GPD2: variants seen among roughly 807,000 people sequenced by gnomAD.
GPD2 encodes glycerol-3-phosphate dehydrogenase, mitochondrial.
In GPD2, 54 loss-of-function variants were observed where a neutral mutation model predicts 82.4. The ratio of observed to expected loss-of-function variants is 0.66; its 90% confidence interval spans 0.53 to 0.82. The LOEUF is 0.82. GPD2 is among the 40% of genes least tolerant of loss of function. The pLI is 0.00. For missense variants in GPD2, 748 were observed against 896.2 expected, an observed-to-expected ratio of 0.83 and a Z score of 2.11; for synonymous variants, 288 against 306.1, an observed-to-expected ratio of 0.94 and a Z score of 0.62.
intron 3 of GPD2, among the ~76,000 whole-genome samples, chr2:156,509,821 TG>T (rs1481726291): frequency 7.4e-6 from 1 of 135,748 alleles, no homozygotes; most frequent in Non-Finnish European, 1.5e-5. Flanking sequence ...TCACCCAGGC[TG>T]GAGTGCAGTG....
intron 6 of GPD2, among the ~76,000 whole-genome samples, chr2:156,549,387 T>C (rs1024752993): frequency 3.3e-5 from 5 of 152,222 alleles, no homozygotes; most frequent in African/African-American, 1.2e-4. Context: ...ATATTTTCAC[T>C]ATTTTTATGG....
At chr2:156,413,286 T>A in the GPD2 span, among the ~76,000 whole-genome samples, 3,242 of 152,062 alleles carry the variant, frequency 0.021, 115 homozygotes, top group African/African-American at 0.074. Context: ...GGGGTGATAC[T>A]GAAAGTAATA....
chr2:156,543,858 T>C (rs1686423110), intron 6 of GPD2, among the ~76,000 whole-genome samples: 1 of 152,214 alleles, frequency 6.6e-6, no homozygotes, highest in African/African-American at 2.4e-5. Flanking sequence ...CCCTATGCAC[T>C]AAGTAGCTCC....
intron 6 of GPD2, among the ~76,000 whole-genome samples, chr2:156,548,909 C>A (rs1432575): frequency 0.71 from 108,386 of 151,928 alleles, 38,757 homozygotes; most frequent in Middle Eastern, 0.82. Context: ...TTTTAAAGTG[C>A]TTAATCATCT....
intron 1 of GPD2, chr2:156,473,777 C>G (rs1370688650): frequency 6.6e-6 from 1 of 152,174 alleles, no homozygotes; most frequent in Non-Finnish European, 1.5e-5. Flanking sequence ...ATGTTTACAA[C>G]AGTACATTGA....
chr2:156,561,208 C>A (rs545998827), intron 9 of GPD2, among the ~76,000 whole-genome samples: 3 of 151,644 alleles, frequency 2.0e-5, no homozygotes. Context: ...CCACCACACC[C>A]GGCTAATTTT....
chr2:156,558,804 G>A (rs1687060364), intron 9 of GPD2, among the ~76,000 whole-genome samples: 1 of 95,752 alleles, frequency 1.0e-5, no homozygotes, highest in Admixed American at 1.4e-4. Context: ...TTTAAGTAGA[G>A]ACAGTGTTTC....
intron 3 of GPD2, among the ~76,000 whole-genome samples, chr2:156,504,112 T>C (rs914021129): frequency 4.6e-5 from 4 of 86,546 alleles, no homozygotes; most frequent in Non-Finnish European, 7.8e-5. Context: ...TTTTCTAATA[T>C]AAACATAGAA....
chr2:156,505,999 T>C (rs948246449), intron 3 of GPD2, among the ~76,000 whole-genome samples: 6 of 152,192 alleles, frequency 3.9e-5, no homozygotes, highest in African/African-American at 1.4e-4. Flanking sequence ...AAAAATGTTA[T>C]TGTCTTCATT....
chr2:156,556,762 C>A (rs1686977922), intron 8 of GPD2, among the ~76,000 whole-genome samples: 1 of 152,114 alleles, frequency 6.6e-6, no homozygotes, highest in Non-Finnish European at 1.5e-5. Flanking sequence ...GAGCTCTTTT[C>A]TTCTAGATGT....
rs1374465844 is a variant in GPD2, at chr2:156,568,803, C to G, written c.1166-22C>G. ...AATATTTTTGAGCAATGTTCATAAC[C>G]CTTGGCATTGATTCCTACCAGTGAG... On this transcript the variant is annotated intron_variant, in intron 9 of 16. Coordinates refer to ENST00000438166, the MANE Select transcript of GPD2 (RefSeq NM_000408.5). The G allele has an allele frequency of 5.0e-6, 8 of 1,606,748 alleles. No individual in the cohort carries two copies. The Admixed American group carries it at 1.3e-4, about 27-fold the overall frequency.
intron 6 of GPD2, among the ~76,000 whole-genome samples, chr2:156,544,924 C>T (rs1304269771): frequency 1.3e-5 from 2 of 152,200 alleles, no homozygotes; most frequent in Non-Finnish European, 2.9e-5. Flanking sequence ...CCCCGTCACT[C>T]CTCACACAAA....
chr2:156,559,133 A>G (rs563941069), intron 9 of GPD2, among the ~76,000 whole-genome samples: 1 of 152,112 alleles, frequency 6.6e-6, no homozygotes, highest in South Asian at 2.1e-4. Flanking sequence ...TTTATACTGG[A>G]GAAACCACCT....
the GPD2 span, among the ~76,000 whole-genome samples, chr2:156,400,766 C>CT: frequency 9.9e-5 from 15 of 152,206 alleles, no homozygotes; most frequent in Non-Finnish European, 2.2e-4. Flanking sequence ...ATGCTTTCGG[C>CT]TGGGGGATGT....
intron 8 of GPD2, among the ~76,000 whole-genome samples, chr2:156,554,060 G>A (rs1201416992): frequency 6.6e-6 from 1 of 152,176 alleles, no homozygotes; most frequent in Non-Finnish European, 1.5e-5. Flanking sequence ...TCTTGCAGAT[G>A]AGCCCCTTCT....
At chr2:156,411,257 G>A in the GPD2 span, among the ~76,000 whole-genome samples, 1 of 152,110 alleles carries the variant, frequency 6.6e-6, no homozygotes, top group Non-Finnish European at 1.5e-5. Flanking sequence ...ATAACAAATT[G>A]TCTGTGTACT....
chr2:156,418,538 C>T, the GPD2 span, among the ~76,000 whole-genome samples: 3 of 152,078 alleles, frequency 2.0e-5, no homozygotes, highest in African/African-American at 7.2e-5. Flanking sequence ...GGACTTCTAC[C>T]CATTCTCCCT....
At chr2:156,551,139 T>C (rs1686743690) in intron 8 of GPD2, among the ~76,000 whole-genome samples, 1 of 152,192 alleles carries the variant, frequency 6.6e-6, no homozygotes, top group Non-Finnish European at 1.5e-5. Context: ...AATTTGCTTA[T>C]GAAGAATCTG....
At chr2:156,447,741 C>T (rs1682417845) in intron 1 of GPD2, among the ~76,000 whole-genome samples, 1 of 152,170 alleles carries the variant, frequency 6.6e-6, no homozygotes, top group African/African-American at 2.4e-5. Context: ...ACTGAGTTTT[C>T]ACTAGGCTAC....
Sources: allele counts gnomAD v4.1 joint callset (sites outside exome capture counted in the v4.1 genomes callset), GRCh38; gene constraint gnomAD v4.1.1; transcripts MANE v1.5; gene names NCBI Gene and HGNC (gene_info 2026-07-23, HGNC 2026-07-21).